Variants in PSPC1 observed in about 807,000 individuals in gnomAD.
PSPC1 encodes paraspeckle component 1, also known as paraspeckle protein 1.
Under a neutral mutation model 51.6 loss-of-function variants are expected in PSPC1, and 14 were observed. That is an observed-to-expected ratio of 0.27 (90% CI 0.18 to 0.42). The LOEUF is 0.42. PSPC1 is among the 10% of genes least tolerant of loss of function. The pLI is 1.00. For synonymous variants in PSPC1, 193 were observed against 231.9 expected (o/e 0.83, Z 1.53); for missense variants, 406 against 701.1 (o/e 0.58, Z 4.75).
At chr13:19,717,875 TAA>T (rs35726784) in intron 6 of PSPC1, among the ~76,000 whole-genome samples, 2 of 138,090 alleles carry the variant, frequency 1.4e-5, no homozygotes, top group Non-Finnish European at 1.6e-5. Flanking sequence ...GACTCCACTT[TAA>T]AAAAAAAAAA....
At position 19,773,426 on chromosome 13, in the gene PSPC1, T is replaced by G. The variant is rs1888804855; in HGVS notation, c.373-883A>C. Reference sequence around the variant, plus strand: ...TACCACGCCCAGCTAATTTTTTGTATTTTTAGTAGAGACGGGGTTTCACCA... The same window carrying G: ...TACCACGCCCAGCTAATTTTTTGTAGTTTTAGTAGAGACGGGGTTTCACCA... On this transcript the variant is annotated intron_variant, in intron 1 of 8. Coordinates refer to ENST00000338910, the MANE Select transcript of PSPC1 (RefSeq NM_001354909.2). 2.0e-5 allele frequency among the ~76,000 whole-genome samples: 3 copies of G among 151,732 alleles called. No individual in the cohort carries two copies. The South Asian group carries it at 6.2e-4, about 32-fold the overall frequency.
At chr13:19,713,229 A>T (rs1394536367) in intron 6 of PSPC1, among the ~76,000 whole-genome samples, 1 of 152,174 alleles carries the variant, frequency 6.6e-6, no homozygotes, top group Non-Finnish European at 1.5e-5. Flanking sequence ...AAAAATTAAG[A>T]GTTGTTGTTT....
At chr13:19,685,883 C>T (rs1323990811) in intron 6 of PSPC1, among the ~76,000 whole-genome samples, 1 of 152,220 alleles carries the variant, frequency 6.6e-6, no homozygotes, top group Admixed American at 6.5e-5. Context: ...AGACAACCTC[C>T]CTTTACATGT....
At chr13:19,776,630 C>A (rs112546867) in intron 1 of PSPC1, among the ~76,000 whole-genome samples, 3,326 of 151,898 alleles carry the variant, frequency 0.022, 58 homozygotes, top group Non-Finnish European at 0.029. Context: ...GCCTCAGCCT[C>A]CCGGGTAGCT....
At chr13:19,759,033 C>T (rs866802875) in intron 3 of PSPC1, among the ~76,000 whole-genome samples, 31 of 151,840 alleles carry the variant, frequency 2.0e-4, no homozygotes, top group African/African-American at 7.5e-4. Context: ...GCCTGTAATC[C>T]CAGCTACTCA....
intron 7 of PSPC1, chr13:19,675,237 A>G (rs745425356): frequency 1.3e-5 from 2 of 152,266 alleles, no homozygotes; most frequent in Non-Finnish European, 2.9e-5. Context: ...TTGACCCAAA[A>G]TTGTGGGCTA....
chr13:19,766,170 C>G (rs1046893640), intron 2 of PSPC1, among the ~76,000 whole-genome samples: 43 of 152,036 alleles, frequency 2.8e-4, no homozygotes, highest in African/African-American at 9.9e-4. Flanking sequence ...GTCAGGAGTT[C>G]GAGACCAGCC....
intron 2 of PSPC1, among the ~76,000 whole-genome samples, chr13:19,764,366 A>T (rs548058716): frequency 5.8e-4 from 89 of 152,160 alleles, no homozygotes; most frequent in African/African-American, 2.0e-3. Flanking sequence ...ATGCACAATA[A>T]TTTTTTTAAC....
intron 6 of PSPC1, among the ~76,000 whole-genome samples, chr13:19,679,753 T>A (rs972477893): frequency 2.6e-5 from 4 of 152,232 alleles, no homozygotes; most frequent in African/African-American, 9.6e-5. Context: ...AGAAGCAACC[T>A]CCCAGGAAAT....
chr13:19,722,733 G>A (rs1213818702), intron 6 of PSPC1, among the ~76,000 whole-genome samples: 2 of 152,082 alleles, frequency 1.3e-5, no homozygotes, highest in African/African-American at 4.8e-5. Context: ...GGCGGAGGTT[G>A]CCATGAGCTG....
intron 6 of PSPC1, among the ~76,000 whole-genome samples, chr13:19,717,687 C>G (rs1271257765): frequency 8.6e-6 from 1 of 116,356 alleles, no homozygotes; most frequent in African/African-American, 3.3e-5. Flanking sequence ...GCCTGGGCAA[C>G]AGAGAAAGAC....
chr13:19,711,258 G>T (rs374222217), intron 6 of PSPC1, among the ~76,000 whole-genome samples: 1 of 152,136 alleles, frequency 6.6e-6, no homozygotes, highest in Non-Finnish European at 1.5e-5. Context: ...AGTGGCTCAC[G>T]CCAGTAATCC....
At chr13:19,685,098 A>G (rs1877715894) in intron 6 of PSPC1, among the ~76,000 whole-genome samples, 1 of 152,240 alleles carries the variant, frequency 6.6e-6, no homozygotes, top group South Asian at 2.1e-4. Context: ...AAGTATAAGG[A>G]AAGCCGTAAC....
chr13:19,718,083 T>C (rs1287213690), intron 6 of PSPC1, among the ~76,000 whole-genome samples: 6 of 152,022 alleles, frequency 3.9e-5, no homozygotes, highest in African/African-American at 1.4e-4. Flanking sequence ...AGGAAAAAAA[T>C]ATACGTTTCT....
chr13:19,764,869 G>A (rs1424049288), intron 2 of PSPC1, among the ~76,000 whole-genome samples: 1 of 151,880 alleles, frequency 6.6e-6, no homozygotes, highest in Non-Finnish European at 1.5e-5. Context: ...ACGTACCTGG[G>A]ACTACAAGTG....
At position 19,730,348 on chromosome 13, in the gene PSPC1, A is replaced by AGTTCTTCC. The variant is rs1883896615; in HGVS notation, c.1053-5_1053-4insGGAAGAAC. On this transcript the variant is annotated splice_region_variant and splice_polypyrimidine_tract_variant and intron_variant, in intron 5 of 8. Coordinates refer to ENST00000338910, the MANE Select transcript of PSPC1 (RefSeq NM_001354909.2). ...CCGCCGATGCTCCTCTTCATGTCTGAAAATTTTTCAAATAAAAATTTCAGC... is the reference window on the plus strand; with the variant it reads ...CCGCCGATGCTCCTCTTCATGTCTGAGTTCTTCCAAATTTTTCAAATAAAAATTTCAGC... 1 of 1,613,406 alleles carries AGTTCTTCC rather than the reference A, an allele frequency of 6.2e-7. No individual in the cohort carries two copies. Among genetic ancestry groups the AGTTCTTCC allele is most frequent in the African/African-American group, 1.3e-5 (1 of 74,880 alleles).
intron 4 of PSPC1, among the ~76,000 whole-genome samples, chr13:19,742,513 C>T (rs1417603066): frequency 1.3e-5 from 2 of 152,004 alleles, no homozygotes; most frequent in Middle Eastern, 3.2e-3. Flanking sequence ...CCAAGGCAGG[C>T]GGATCACCTG....
chr13:19,736,638 G>C lies in PSPC1; in HGVS notation c.1052+4927C>G, dbSNP rs1186386214. On this transcript the variant is annotated intron_variant, in intron 5 of 8. Coordinates refer to ENST00000338910, the MANE Select transcript of PSPC1 (RefSeq NM_001354909.2). ...GCAGAGCTTGCAGTGAGCCGAGATC[G>C]CGCCACTGCACTCCAGCCTGGGCGA... is the stretch of plus-strand genomic sequence containing the variant. Among the ~76,000 whole-genome samples, 3 of 152,172 alleles carry C rather than the reference G, an allele frequency of 2.0e-5. No homozygotes were observed. The East Asian group carries it at 5.8e-4, about 29-fold the overall frequency.
intron 2 of PSPC1, among the ~76,000 whole-genome samples, chr13:19,765,139 C>T (rs1321082930): frequency 2.0e-5 from 3 of 151,616 alleles, no homozygotes; most frequent in African/African-American, 7.3e-5. Context: ...CCACGACAAA[C>T]ATGGTGAAAC....
Sources: gnomAD v4.1 joint callset for allele counts (sites outside exome capture counted in the v4.1 genomes callset) on GRCh38, gnomAD v4.1.1 for gene constraint, MANE v1.5 for transcripts, NCBI Gene and HGNC (gene_info 2026-07-23, HGNC 2026-07-21) for gene names.